ICA1: variants seen among roughly 807,000 people sequenced by gnomAD.
ICA1 encodes the protein 69 kDa islet cell autoantigen.
A neutral mutation model predicts 71.0 loss-of-function variants in ICA1; 40 were observed. That is an observed-to-expected ratio of 0.56 (90% CI 0.44 to 0.73). The LOEUF is 0.73. Among genes scored for constraint, ICA1 ranks in the 30% least tolerant of loss-of-function variants. The probability of loss-of-function intolerance (pLI) is 0.00; values close to 1 mark genes in which losing one functional copy is unlikely to be tolerated. For synonymous variants in ICA1, 207 were observed against 209.5 expected, an observed-to-expected ratio of 0.99 and a Z score of 0.10; for missense variants, 578 against 576.5, an observed-to-expected ratio of 1.00 and a Z score of -0.03.
chr7:8,233,128 A>G (rs1800775172), intron 2 of ICA1, among the ~76,000 whole-genome samples: 1 of 151,276 alleles, frequency 6.6e-6, no homozygotes, highest in Non-Finnish European at 1.5e-5. Context: ...AGACACCAAC[A>G]CACTCTCTCC....
At position 8,161,478 on chromosome 7, in the gene ICA1, G is replaced by A. The variant is rs1803781436; in HGVS notation, c.580-2826C>T. Among the ~76,000 whole-genome samples the A allele has an allele frequency of 1.3e-5, 2 of 152,162 alleles. 1 individual carries two copies. Among genetic ancestry groups the A allele is most frequent in the South Asian group, 4.1e-4 (2 of 4,832 alleles). On this transcript the variant is annotated intron_variant, in intron 6 of 13. Coordinates refer to ENST00000402384, the MANE Select transcript of ICA1 (RefSeq NM_001136020.3). ...TAACTCTGTAGTGTTCTCCTACTCT[G>A]ACTCTGAGCTCGGCCATGTGACTTG... is the stretch of plus-strand genomic sequence containing the variant.
intron 6 of ICA1, among the ~76,000 whole-genome samples, chr7:8,169,275 G>C (rs924957475): frequency 6.6e-6 from 1 of 151,962 alleles, no homozygotes; most frequent in Non-Finnish European, 1.5e-5. Context: ...TGGCTCTTTT[G>C]TTTATTGTTT....
chr7:8,181,479 T>A (rs1359229098), intron 6 of ICA1, among the ~76,000 whole-genome samples: 1 of 152,202 alleles, frequency 6.6e-6, no homozygotes, highest in African/African-American at 2.4e-5. Context: ...TGTATTTCTA[T>A]ATAAGTTTAT....
At chr7:8,197,547 GAAA>G (rs71014771) in intron 6 of ICA1, among the ~76,000 whole-genome samples, 2 of 122,208 alleles carry the variant, frequency 1.6e-5, no homozygotes, top group African/African-American at 3.3e-5. Context: ...CTTCGTCTCA[GAAA>G]AAAAAAAAAA....
intron 6 of ICA1, among the ~76,000 whole-genome samples, chr7:8,163,209 T>G (rs572537360): frequency 1.3e-5 from 2 of 152,336 alleles, no homozygotes; most frequent in East Asian, 3.9e-4. Flanking sequence ...AACCTGAAAT[T>G]CTAACTCTTA....
intron 3 of ICA1, among the ~76,000 whole-genome samples, chr7:8,231,764 T>C (rs1800353619): frequency 2.0e-5 from 3 of 152,154 alleles, no homozygotes; most frequent in Admixed American, 1.3e-4. Flanking sequence ...TCTCATCCCT[T>C]TTCACATGAC....
chr7:8,193,401 T>C (rs1786371180), intron 6 of ICA1, among the ~76,000 whole-genome samples: 1 of 152,210 alleles, frequency 6.6e-6, no homozygotes, highest in African/African-American at 2.4e-5. Context: ...GTGCAAAACC[T>C]GGCTCCCACT....
intron 6 of ICA1, among the ~76,000 whole-genome samples, chr7:8,175,915 T>C (rs1158482720): frequency 6.6e-6 from 1 of 152,156 alleles, no homozygotes; most frequent in Admixed American, 6.6e-5. Flanking sequence ...GATTCTCCCT[T>C]GTTTATCCCC....
At chr7:8,136,078 G>T (rs982098209) in intron 12 of ICA1, among the ~76,000 whole-genome samples, 1 of 152,104 alleles carries the variant, frequency 6.6e-6, no homozygotes, top group African/African-American at 2.4e-5. Flanking sequence ...TATAAACTGT[G>T]GTCAAATATT....
rs1263664076 is a variant in ICA1, at chr7:8,127,932, C to A, written c.1271G>T (p.Gly424Val). ...EPDPKAQTGS[G>V]FLPSQLLDQN... The stretch of plus-strand genomic sequence containing the variant: ...GTCTAAAAGCTGCGAAGGAAGGAAA[C>A]CTGAGCCTGTCTGGGCCTTGGGGTC... Residue 424 changes from glycine to valine, a missense_variant, in exon 13 of 14, where the codon GGT (glycine) becomes GTT (valine). Coordinates refer to ENST00000402384, the MANE Select transcript of ICA1 (RefSeq NM_001136020.3). 6.2e-7 allele frequency: 1 copy of A among 1,614,116 alleles called. No individual in the cohort carries two copies. Among genetic ancestry groups the A allele is most frequent in the Non-Finnish European group, 8.5e-7 (1 of 1,180,064 alleles).
intron 8 of ICA1, among the ~76,000 whole-genome samples, chr7:8,146,876 ACACACG>A (rs1416753588): frequency 7.3e-5 from 9 of 123,918 alleles, no homozygotes; most frequent in African/African-American, 1.6e-4. Context: ...ACACACACAC[ACACACG>A]CACACACACA....
intron 6 of ICA1, among the ~76,000 whole-genome samples, chr7:8,170,158 C>T (rs1042297705): frequency 5.3e-5 from 8 of 151,900 alleles, no homozygotes; most frequent in African/African-American, 1.9e-4. Flanking sequence ...TAACTTGGCT[C>T]TTTTGTGTAG....
intron 6 of ICA1, among the ~76,000 whole-genome samples, chr7:8,167,709 G>A (rs1806606818): frequency 6.6e-6 from 1 of 152,086 alleles, no homozygotes; most frequent in South Asian, 2.1e-4. Context: ...AATGGGGGGT[G>A]GCAAGCCTTT....
At chr7:8,261,351 A>AT (rs1287221623) in intron 1 of ICA1, among the ~76,000 whole-genome samples, 1 of 152,186 alleles carries the variant, frequency 6.6e-6, no homozygotes, top group Non-Finnish European at 1.5e-5. Flanking sequence ...AAAGGCAGAC[A>AT]TAACAACAGG....
intron 1 of ICA1, among the ~76,000 whole-genome samples, chr7:8,260,255 G>C (rs745812934): frequency 1.3e-5 from 2 of 152,138 alleles, no homozygotes; most frequent in Admixed American, 6.6e-5. Context: ...CAAATACCTT[G>C]AAAACGTACT....
chr7:8,237,043 C>A (rs6963241), intron 1 of ICA1: 7,678 of 152,300 alleles, frequency 0.05, 238 homozygotes, highest in African/African-American at 0.091. Context: ...GACAAAATTA[C>A]GATGTGCAAA....
At position 8,143,335 on chromosome 7, in the gene ICA1, T is replaced by C. The variant is rs117665907; in HGVS notation, c.902+540A>G. Among the ~76,000 whole-genome samples the C allele has an allele frequency of 6.1e-3, 922 of 152,322 alleles. 6 individuals carry two copies. The highest frequency in any genetic ancestry group is 0.031 in the Middle Eastern group (9 of 294). Reference sequence around the variant, plus strand: ...AGATGGAGCAGTCATTTCCTGTACTTGAAGCTGTTCTCTGTTTCACAGAGA... The same window carrying C: ...AGATGGAGCAGTCATTTCCTGTACTCGAAGCTGTTCTCTGTTTCACAGAGA... On this transcript the variant is annotated intron_variant, in intron 9 of 13. Coordinates refer to ENST00000402384, the MANE Select transcript of ICA1 (RefSeq NM_001136020.3).
Position 8,128,152 on chromosome 7 carries a change from G to A in ICA1, c.1061-10C>T, listed in dbSNP as rs762580823. ...ACTGGTCCCAGGCAAGCTGATTGAA[G>A]TAACAGAGAACAAAACGTCACCACG... On this transcript the variant is annotated splice_polypyrimidine_tract_variant and intron_variant, in intron 12 of 13. Transcript: ENST00000402384. 1.2e-6 allele frequency: 2 copies of A among 1,612,612 alleles called. No individual in the cohort carries two copies. Among genetic ancestry groups the A allele is most frequent in the African/African-American group, 1.3e-5 (1 of 75,042 alleles).
chr7:8,152,358 G>C (rs995743291), intron 8 of ICA1, among the ~76,000 whole-genome samples: 2 of 151,962 alleles, frequency 1.3e-5, no homozygotes, highest in Admixed American at 6.5e-5. Flanking sequence ...TCGCATGGTT[G>C]TCTTCTGGAT....
Sources: allele counts gnomAD v4.1 joint callset (sites outside exome capture counted in the v4.1 genomes callset), GRCh38; gene constraint gnomAD v4.1.1; transcripts MANE v1.5; gene names NCBI Gene and HGNC (gene_info 2026-07-23, HGNC 2026-07-21).